Variants in CYP2J2 observed in about 807,000 individuals in gnomAD.
CYP2J2 encodes cytochrome P450 2J2.
CYP2J2 carries 41 observed loss-of-function variants against 48.8 expected under a neutral mutation model. The ratio of observed to expected loss-of-function variants is 0.84; its 90% CI spans 0.66 to 1.09. The LOEUF (loss-of-function observed/expected upper bound fraction) is 1.09. Ranked by LOEUF, CYP2J2 falls within the 50% of genes least tolerant of loss-of-function variation. The pLI is 0.00. For missense variants in CYP2J2, 644 were observed against 617.3 expected, an observed-to-expected ratio of 1.04 and a Z score of -0.46; for synonymous variants, 221 against 227.1, an observed-to-expected ratio of 0.97 and a Z score of 0.24.
chr1:59,913,055 C>T (rs993717913), intron 2 of CYP2J2: 5 of 152,182 alleles, frequency 3.3e-5, no homozygotes, highest in African/African-American at 1.2e-4. Flanking sequence ...CTGACTATGG[C>T]CTGCTCACCC....
chr1:59,920,974 A>G (rs1164712039), intron 1 of CYP2J2, among the ~76,000 whole-genome samples: 2 of 152,194 alleles, frequency 1.3e-5, no homozygotes, highest in African/African-American at 4.8e-5. Flanking sequence ...GCCACTTGCC[A>G]AAAATCAAAA....
rs140173004 is a variant in CYP2J2 at position 59,897,419 on chromosome 1, C to T, written c.1330+3546G>A. Among the ~76,000 whole-genome samples, 528 of 152,280 alleles carry T rather than the reference C, an allele frequency of 3.5e-3. 3 individuals are homozygous for T. Among genetic ancestry groups the T allele is most frequent in the African/African-American group, 5.9e-3 (246 of 41,554 alleles). On this transcript the variant is annotated intron_variant, in intron 8 of 8. Transcript: ENST00000371204. ...TAACTTCTCTCCTAACCATGTTACA[C>T]GGCTAGGCAAGGATCCCAATGCAAT... is the stretch of plus-strand genomic sequence containing the variant.
chr1:59,955,375 G>A, the CYP2J2 span, among the ~76,000 whole-genome samples: 1 of 150,930 alleles, frequency 6.6e-6, no homozygotes, highest in Non-Finnish European at 1.5e-5. Flanking sequence ...GTGCCAACTT[G>A]TAGATAGGAA....
chr1:59,941,211 C>A, the CYP2J2 span, among the ~76,000 whole-genome samples: 1 of 152,270 alleles, frequency 6.6e-6, no homozygotes, highest in Middle Eastern at 3.4e-3. Flanking sequence ...AGGTTATGTG[C>A]AGTCACACAC....
intron 1 of CYP2J2, among the ~76,000 whole-genome samples, chr1:59,920,325 T>A (rs556372470): frequency 1.4e-3 from 208 of 151,670 alleles, no homozygotes; most frequent in Non-Finnish European, 2.3e-3. Context: ...AGCTACCTTG[T>A]CTGACTGAAG....
chr1:59,905,504 C>T (rs1032393063), intron 6 of CYP2J2, among the ~76,000 whole-genome samples: 3 of 152,170 alleles, frequency 2.0e-5, no homozygotes, highest in Non-Finnish European at 4.4e-5. Context: ...AAGGTTTCAA[C>T]ATATAAATTT....
the CYP2J2 span, among the ~76,000 whole-genome samples, chr1:59,960,652 G>C: frequency 3.3e-5 from 5 of 152,154 alleles, no homozygotes; most frequent in African/African-American, 7.2e-5. Context: ...AAACTAGCCT[G>C]GCCAACTTGG....
chr1:59,913,404 C>T (rs1393295792), intron 2 of CYP2J2, among the ~76,000 whole-genome samples: 2 of 152,158 alleles, frequency 1.3e-5, no homozygotes, highest in African/African-American at 2.4e-5. Flanking sequence ...AGCATATATA[C>T]AACGCTGCCT....
chr1:59,950,379 T>G, the CYP2J2 span, among the ~76,000 whole-genome samples: 1 of 152,166 alleles, frequency 6.6e-6, no homozygotes, highest in Non-Finnish European at 1.5e-5. Flanking sequence ...GCTCTTCATA[T>G]TTCATTGACT....
chr1:59,967,815 A>T, the CYP2J2 span, among the ~76,000 whole-genome samples: 72 of 152,352 alleles, frequency 4.7e-4, no homozygotes, highest in Non-Finnish European at 6.9e-4. Flanking sequence ...CTTTTAAATA[A>T]AATTGTTTTA....
chr1:59,902,315 C>T (rs1644327044), intron 7 of CYP2J2, among the ~76,000 whole-genome samples: 4 of 152,124 alleles, frequency 2.6e-5, no homozygotes, highest in African/African-American at 9.7e-5. Context: ...GGTTGTTTTG[C>T]CAGACCTGAG....
At chr1:59,947,895 T>G in the CYP2J2 span, among the ~76,000 whole-genome samples, 1 of 151,808 alleles carries the variant, frequency 6.6e-6, no homozygotes, top group Non-Finnish European at 1.5e-5. Flanking sequence ...ATCCATAATA[T>G]TTGAAAACTT....
At chr1:59,943,866 T>C in the CYP2J2 span, among the ~76,000 whole-genome samples, 1 of 152,184 alleles carries the variant, frequency 6.6e-6, no homozygotes, top group Non-Finnish European at 1.5e-5. Flanking sequence ...ACTGGTGATC[T>C]CAGAGTATCT....
chr1:59,904,165 G>A (rs1644345148), intron 7 of CYP2J2, among the ~76,000 whole-genome samples: 1 of 152,122 alleles, frequency 6.6e-6, no homozygotes, highest in Non-Finnish European at 1.5e-5. Context: ...GAGGTCAAGA[G>A]ATCCAGACCA....
At chr1:59,898,238 T>G (rs1644286447) in intron 8 of CYP2J2, among the ~76,000 whole-genome samples, 1 of 152,192 alleles carries the variant, frequency 6.6e-6, no homozygotes, top group Non-Finnish European at 1.5e-5. Context: ...TTGGAAAACA[T>G]AATGCAATGG....
chr1:59,953,753 G>A, the CYP2J2 span, among the ~76,000 whole-genome samples: 1 of 152,224 alleles, frequency 6.6e-6, no homozygotes, highest in South Asian at 2.1e-4. Context: ...CAAAAATTTG[G>A]TAATTCTGAA....
chr1:59,914,741 G>T (rs1042193526), intron 2 of CYP2J2, among the ~76,000 whole-genome samples: 6 of 152,298 alleles, frequency 3.9e-5, no homozygotes, highest in Admixed American at 6.5e-5. Flanking sequence ...CTGAAATATG[G>T]CCTCATGGGA....
rs1644462353 is a variant in CYP2J2 at position 59,916,041 on chromosome 1, A to G, written c.270T>C (p.Leu90=). ...SLELGDISAV[L]ITGLPLIKEA... ...CTTTGATTAAGGGCAAGCCAGTAAT[A>G]AGAACTGCAGATATGTCACCAAGCT... Residue 90 remains leucine, a synonymous_variant, in exon 2 of 9, where the codon CTT becomes CTC. Transcript: ENST00000371204. 6.2e-7 allele frequency: 1 copy of G among 1,613,972 alleles called. No individual in the cohort carries two copies. Among genetic ancestry groups the G allele is most frequent in the Non-Finnish European group, 8.5e-7 (1 of 1,179,886 alleles).
chr1:59,968,581 G>C, the CYP2J2 span, among the ~76,000 whole-genome samples: 1 of 152,154 alleles, frequency 6.6e-6, no homozygotes, highest in Non-Finnish European at 1.5e-5. Context: ...GCAGAGTATG[G>C]GGCATCCCAG....
Sources: allele counts gnomAD v4.1 joint callset (sites outside exome capture counted in the v4.1 genomes callset), GRCh38; gene constraint gnomAD v4.1.1; transcripts MANE v1.5; gene names NCBI Gene and HGNC (gene_info 2026-07-23, HGNC 2026-07-21).